The following GRIK3 variants were observed in gnomAD, a reference collection of about 807,000 sequenced individuals.
GRIK3 encodes the protein glutamate ionotropic receptor kainate type subunit 3, also known as glutamate receptor ionotropic, kainate 3.
In GRIK3, 29 loss-of-function variants were observed where a neutral mutation model predicts 102.5. The observed-to-expected ratio is 0.28, with a 90% CI of 0.21 to 0.39. The LOEUF (loss-of-function observed/expected upper bound fraction) is 0.39. Ranked by LOEUF, GRIK3 falls within the 10% of genes least tolerant of loss-of-function variation. GRIK3 has a pLI of 1.00. For missense variants in GRIK3, 908 were observed against 1,252.4 expected, an observed-to-expected ratio of 0.73 and a Z score of 4.15; for synonymous variants, 511 against 504.9, an observed-to-expected ratio of 1.01 and a Z score of -0.16.
At chr1:36,943,857 C>T (rs1349749146) in intron 1 of GRIK3, among the ~76,000 whole-genome samples, 3 of 152,222 alleles carry the variant, frequency 2.0e-5, no homozygotes, top group African/African-American at 7.2e-5. Context: ...CCATCTCTGC[C>T]CCGTGCTGCC....
At position 36,806,359 on chromosome 1, in the gene GRIK3, C is replaced by A. The variant is rs368954271; in HGVS notation, c.2092-33G>T. On this transcript the variant is annotated intron_variant, in intron 13 of 15. Coordinates refer to ENST00000373091, the MANE Select transcript of GRIK3 (RefSeq NM_000831.4). This position sits in a 1 kb window ranked among gnomAD's most constrained non-coding sequence, Gnocchi z 4.0. ...GTGAGGGAAGGGGTGATGCACACACCGTTACTAGGCGCACCAGGGACCAAG... is the reference window on the plus strand; with the variant it reads ...GTGAGGGAAGGGGTGATGCACACACAGTTACTAGGCGCACCAGGGACCAAG... 1 of 1,398,610 alleles carries A rather than the reference C, an allele frequency of 7.1e-7. No individual in the cohort carries two copies. Among genetic ancestry groups the A allele is most frequent in the African/African-American group, 1.4e-5 (1 of 70,762 alleles). The allele number at this position is 1,398,610 out of a possible 1,614,324, so 86.6% of individuals were successfully genotyped here.
intron 1 of GRIK3, among the ~76,000 whole-genome samples, chr1:37,022,448 C>T (rs1001287555): frequency 6.6e-6 from 1 of 152,194 alleles, no homozygotes; most frequent in Non-Finnish European, 1.5e-5. Context: ...GACAGTTTGT[C>T]TCTCTCAAGA....
rs754585903 is a variant in GRIK3 at position 36,859,224 on chromosome 1, C to T, written c.988G>A (p.Val330Ile). 25 of 1,612,618 alleles carry T rather than the reference C, an allele frequency of 1.6e-5. No individual in the cohort carries two copies. Among genetic ancestry groups the T allele is most frequent in the East Asian group, 6.7e-5 (3 of 44,832 alleles). ...MTDAALLYDA[V>I]HIVSVCYQRA... Reference sequence around the variant, plus strand: ...TGGTAGCACACGGACACGATATGGACGGCGTCGTACAGTAAGGCTGCATCA... The same window carrying T: ...TGGTAGCACACGGACACGATATGGATGGCGTCGTACAGTAAGGCTGCATCA... Residue 330 changes from valine to isoleucine, a missense_variant, in exon 7 of 16, where the codon GTC becomes ATC. This residue lies in a region of GRIK3 where 585 missense variants were observed against 824.9 expected (regional missense o/e 0.71). Transcript: ENST00000373091.
In GRIK3 at chr1:36,806,132, G is replaced by C. The variant is rs752342311; in HGVS notation, c.2286C>G (p.Ser762=). The C allele has an allele frequency of 6.2e-7, 1 of 1,613,942 alleles. No individual in the cohort carries two copies. The highest frequency in any genetic ancestry group is 1.1e-5 in the South Asian group (1 of 91,068). The change falls in exon 14 of 16, where the codon TCC becomes TCG. Residue 762 remains serine (S), a synonymous_variant. Transcript: ENST00000373091. This position sits in a 1 kb window ranked among gnomAD's most constrained non-coding sequence, Gnocchi z 4.0. ...TGGGCGTGCCGATGCCGTAGCCCTT[G>C]GAGTCAATGAGGCCCCCGATCTGGG... ...NLTQIGGLID[S]KGYGIGTPMG... is the part of the protein sequence containing the mutation.
intron 5 of GRIK3, among the ~76,000 whole-genome samples, chr1:36,863,660 A>G (rs1640751454): frequency 6.6e-6 from 1 of 152,188 alleles, no homozygotes; most frequent in African/African-American, 2.4e-5. Context: ...GAATCAGCTC[A>G]AGTATCACCT....
At chr1:37,003,104 C>T (rs1471098851) in intron 1 of GRIK3, among the ~76,000 whole-genome samples, 1 of 150,600 alleles carries the variant, frequency 6.6e-6, no homozygotes, top group East Asian at 2.0e-4. Context: ...TCCCTTTGGC[C>T]ACCAGGGAGC....
rs368867732 is a variant in GRIK3, at chr1:36,986,374, CCCAT to C, written c.115+47616_115+47619del. ...ATCCATCCATCCATCCGTCAGTCCG[CCCAT>C]CCATCCATCCATCCATCCATCCTGT... On this transcript the variant is annotated intron_variant, in intron 1 of 15. Coordinates refer to ENST00000373091, the MANE Select transcript of GRIK3 (RefSeq NM_000831.4). Among the ~76,000 whole-genome samples, 398 of 149,324 alleles carry C rather than the reference CCCAT, an allele frequency of 2.7e-3. 1 individual carries two copies. Among genetic ancestry groups the C allele is most frequent in the African/African-American group, 6.1e-3 (248 of 40,614 alleles).
At chr1:36,908,778 G>GGT (rs56228690) in intron 1 of GRIK3, among the ~76,000 whole-genome samples, 58,770 of 146,960 alleles carry the variant, frequency 0.4, 12,415 homozygotes, top group Admixed American at 0.53. Flanking sequence ...AATGGGATAG[G>GGT]GTGTGTGTGT....
chr1:36,971,086 C>T (rs779795142), intron 1 of GRIK3, among the ~76,000 whole-genome samples: 25 of 152,200 alleles, frequency 1.6e-4, no homozygotes, highest in Admixed American at 3.3e-4. Flanking sequence ...CTCTGGACCT[C>T]CAGGACATGC....
intron 10 of GRIK3, among the ~76,000 whole-genome samples, chr1:36,836,669 ATC>A (rs1325931515): frequency 2.0e-4 from 31 of 152,334 alleles, no homozygotes; most frequent in Middle Eastern, 3.4e-3. Flanking sequence ...GTCCAGCCCC[ATC>A]TATGAGGCAG....
intron 1 of GRIK3, among the ~76,000 whole-genome samples, chr1:36,987,081 A>G (rs769632017): frequency 2.4e-4 from 36 of 152,204 alleles, no homozygotes; most frequent in Admixed American, 4.6e-4. Context: ...AGAAATTCTG[A>G]TCAAGGTTGA....
chr1:36,801,812 G>C lies in GRIK3; in HGVS notation c.*39C>G. 1 of 1,528,818 alleles carries C rather than the reference G, an allele frequency of 6.5e-7. No homozygotes were observed. Among genetic ancestry groups the C allele is most frequent in the Non-Finnish European group, 8.9e-7 (1 of 1,129,370 alleles). The allele number at this position is 1,528,818 out of a possible 1,614,324, so 94.7% of individuals were successfully genotyped here. On this transcript the variant is annotated 3_prime_UTR_variant, in exon 16 of 16. Transcript: ENST00000373091. ...CTTCCAATCTCCTTTGCTTTCCTCT[G>C]CCCAGCCCCCAGGCCTGAGGTCCCC... is the stretch of plus-strand genomic sequence containing the variant.
intron 1 of GRIK3, among the ~76,000 whole-genome samples, chr1:36,941,379 A>G (rs1641717409): frequency 6.6e-6 from 1 of 152,228 alleles, no homozygotes; most frequent in Admixed American, 6.5e-5. Context: ...TCAACTACAA[A>G]TTCATTTTTC....
chr1:36,971,874 T>C (rs1456110531), intron 1 of GRIK3, among the ~76,000 whole-genome samples: 3 of 152,126 alleles, frequency 2.0e-5, no homozygotes, highest in South Asian at 2.1e-4. Flanking sequence ...GGCCCACCAA[T>C]AGTCACAGAG....
chr1:36,855,447 A>G (rs1483687383), intron 7 of GRIK3, among the ~76,000 whole-genome samples: 2 of 152,250 alleles, frequency 1.3e-5, no homozygotes, highest in African/African-American at 2.4e-5. Context: ...GGCAGCTCCA[A>G]GGTACTTTTA....
At chr1:36,879,545 A>G (rs1399882284) in intron 3 of GRIK3, among the ~76,000 whole-genome samples, 1 of 152,194 alleles carries the variant, frequency 6.6e-6, no homozygotes. Context: ...AGGAAAAGCC[A>G]GAGTGCGTTT....
intron 1 of GRIK3, among the ~76,000 whole-genome samples, chr1:36,893,441 C>A (rs1258580924): frequency 1.3e-5 from 2 of 152,152 alleles, no homozygotes; most frequent in African/African-American, 4.8e-5. Flanking sequence ...AAGAAGTGTG[C>A]AACTTCCCTA....
chr1:36,831,409 C>A lies in GRIK3; in HGVS notation c.1531-5583G>T, dbSNP rs143618921. Among the ~76,000 whole-genome samples, 145 of 152,330 alleles carry A rather than the reference C, an allele frequency of 9.5e-4. 2 individuals are homozygous for A. In the South Asian group the frequency reaches 0.016, roughly 17 times the overall value. ...ACCAGCCTCACTCCTGCCATGCATACGGGACTATTCCCAGGGGACTCTGCT... is the reference window on the plus strand; with the variant it reads ...ACCAGCCTCACTCCTGCCATGCATAAGGGACTATTCCCAGGGGACTCTGCT... On this transcript the variant is annotated intron_variant, in intron 10 of 15. Coordinates refer to ENST00000373091, the MANE Select transcript of GRIK3 (RefSeq NM_000831.4).
chr1:36,839,729 G>A (rs1352365700), intron 10 of GRIK3, among the ~76,000 whole-genome samples: 2 of 152,120 alleles, frequency 1.3e-5, no homozygotes, highest in African/African-American at 2.4e-5. Flanking sequence ...GCTAGCAAGC[G>A]GAAGAGTTTG....
Sources: allele counts gnomAD v4.1 joint callset (sites outside exome capture counted in the v4.1 genomes callset), GRCh38; gene constraint gnomAD v4.1.1; regional missense constraint gnomAD v4.1.1; non-coding constraint Gnocchi (gnomAD v3.1); transcripts MANE v1.5; gene names NCBI Gene and HGNC (gene_info 2026-07-23, HGNC 2026-07-21).